GLIS3: variants seen among roughly 807,000 people sequenced by gnomAD.
GLIS3 encodes zinc finger protein GLIS3.
Under a neutral mutation model 78.6 loss-of-function variants are expected in GLIS3, and 53 were observed. The ratio of observed to expected loss-of-function variants is 0.67; its 90% CI spans 0.54 to 0.85. The LOEUF is 0.85. Among genes scored for constraint, GLIS3 ranks in the 40% least tolerant of loss-of-function variants. The probability of loss-of-function intolerance (pLI) is 0.00; values close to 1 mark genes in which losing one functional copy is unlikely to be tolerated. For missense variants in GLIS3, 1,703 were observed against 1,231.1 expected, an observed-to-expected ratio of 1.38 and a Z score of -5.74; for synonymous variants, 684 against 509.9, an observed-to-expected ratio of 1.34 and a Z score of -4.60.
chr9:4,230,868 A>G (rs891313591), intron 2 of GLIS3, among the ~76,000 whole-genome samples: 3 of 152,220 alleles, frequency 2.0e-5, no homozygotes, highest in African/African-American at 7.2e-5. Flanking sequence ...AATTCAGCCC[A>G]CATGAAATTA....
At position 4,257,587 on chromosome 9, in the gene GLIS3, T is replaced by TGTTGTTGTTGTTGTTG. The variant is rs1563844885; in HGVS notation, c.388+28450_388+28451insCAACAACAACAACAAC. Among the ~76,000 whole-genome samples the TGTTGTTGTTGTTGTTG allele has an allele frequency of 8.7e-4, 6 of 6,898 alleles. 1 individual carries two copies. The highest frequency in any genetic ancestry group is 0.17 in the East Asian group (2 of 12). 4.5% of individuals were successfully genotyped at this position (6,898 alleles called of 152,430 possible). A position where few individuals can be genotyped will look rare whatever the true frequency, so the allele number is the denominator to read the frequency against. ...TATATGTTGTTGTTGTTGTTGTTAT[T>TGTTGTTGTTGTTGTTG]TTTTGAGACGGAGTCTCGCTCTGTC... On this transcript the variant is annotated intron_variant, in intron 2 of 10. Transcript: ENST00000381971.
At chr9:4,394,459 T>C in the GLIS3 span, among the ~76,000 whole-genome samples, 1 of 152,070 alleles carries the variant, frequency 6.6e-6, no homozygotes. Context: ...GCATCAAATA[T>C]AGAAGAATTC....
the GLIS3 span, among the ~76,000 whole-genome samples, chr9:4,449,323 C>T: frequency 6.6e-6 from 1 of 152,188 alleles, no homozygotes; most frequent in Non-Finnish European, 1.5e-5. Context: ...CAGGGAAGCT[C>T]AAACTGGGCA....
chr9:4,413,435 AG>A, the GLIS3 span, among the ~76,000 whole-genome samples: 23 of 152,158 alleles, frequency 1.5e-4, no homozygotes, highest in Non-Finnish European at 2.9e-5. Context: ...TTTCTATAAG[AG>A]TTGTACTTGC....
chr9:4,375,002 T>C, the GLIS3 span, among the ~76,000 whole-genome samples: 40,491 of 152,204 alleles, frequency 0.27, 5,650 homozygotes, highest in South Asian at 0.4. Context: ...TCAACCCCCC[T>C]ACTGTTGGAC....
At chr9:4,354,284 C>T in the GLIS3 span, among the ~76,000 whole-genome samples, 1 of 152,158 alleles carries the variant, frequency 6.6e-6, no homozygotes, top group Admixed American at 6.5e-5. Flanking sequence ...CTTCCTGAGA[C>T]CTTTTTGTGT....
At chr9:4,255,839 C>A (rs1322297374) in intron 2 of GLIS3, among the ~76,000 whole-genome samples, 1 of 151,758 alleles carries the variant, frequency 6.6e-6, no homozygotes, top group Non-Finnish European at 1.5e-5. Context: ...TAAGAGTGAA[C>A]CCTAAGGTAA....
Position 3,856,064 on chromosome 9 carries a change from C to T in GLIS3, c.2418G>A (p.Lys806=), listed in dbSNP as rs1819765971. Reference sequence around the variant, plus strand: ...AAGAGTTTGTTTCTGGCTGATAGGACTTCAGGTGTGAACCTGATGGCTGCT... The same window carrying T: ...AAGAGTTTGTTTCTGGCTGATAGGATTTCAGGTGTGAACCTGATGGCTGCT... ...YTQQPSGSHL[K]SYQPETNSSF... Residue 806 remains lysine, a synonymous_variant, in exon 9 of 11, where the codon AAG becomes AAA. Transcript: ENST00000381971. 1 of 1,614,068 alleles carries T rather than the reference C, an allele frequency of 6.2e-7. No individual in the cohort carries two copies.
At chr9:3,868,370 T>G (rs1563794596) in intron 8 of GLIS3, among the ~76,000 whole-genome samples, 2 of 100,548 alleles carry the variant, frequency 2.0e-5, no homozygotes, top group Admixed American at 9.9e-5. Context: ...ATGGAAGTAA[T>G]TTTTTTTTTG....
At chr9:4,247,297 A>C (rs1216527661) in intron 2 of GLIS3, among the ~76,000 whole-genome samples, 1 of 152,226 alleles carries the variant, frequency 6.6e-6, no homozygotes, top group Non-Finnish European at 1.5e-5. Context: ...CGGTTGTTTT[A>C]AAACAAAAGT....
At chr9:4,476,881 A>G in the GLIS3 span, among the ~76,000 whole-genome samples, 1 of 152,238 alleles carries the variant, frequency 6.6e-6, no homozygotes, top group Admixed American at 6.5e-5. Flanking sequence ...AGCTGTTTTT[A>G]GACAGAATTT....
intron 2 of GLIS3, among the ~76,000 whole-genome samples, chr9:4,326,643 G>A (rs952193044): frequency 3.9e-5 from 6 of 152,028 alleles, no homozygotes; most frequent in African/African-American, 1.4e-4. Context: ...CAACGTGAAT[G>A]TTCTTAACGT....
chr9:4,284,673 G>A (rs1243918095), intron 2 of GLIS3, among the ~76,000 whole-genome samples: 1 of 151,866 alleles, frequency 6.6e-6, no homozygotes, highest in African/African-American at 2.4e-5. Flanking sequence ...CACTTTGGGA[G>A]GCCAAGGCAG....
At chr9:4,087,340 G>C (rs1588639211) in intron 4 of GLIS3, among the ~76,000 whole-genome samples, 2 of 152,116 alleles carry the variant, frequency 1.3e-5, no homozygotes, top group African/African-American at 4.8e-5. Context: ...GCCTTAAATA[G>C]ATGCACATCC....
chr9:3,865,362 G>A (rs544248889), intron 8 of GLIS3, among the ~76,000 whole-genome samples: 40 of 152,272 alleles, frequency 2.6e-4, no homozygotes, highest in Admixed American at 2.0e-3. Flanking sequence ...TTTCTAGATC[G>A]CGCCTTTAAA....
At chr9:4,059,076 A>G (rs1421509520) in intron 4 of GLIS3, among the ~76,000 whole-genome samples, 1 of 152,120 alleles carries the variant, frequency 6.6e-6, no homozygotes, top group Non-Finnish European at 1.5e-5. Context: ...CATCTAATCT[A>G]TAGTTGATCT....
intron 8 of GLIS3, among the ~76,000 whole-genome samples, chr9:3,863,652 T>C (rs1820380156): frequency 6.6e-6 from 1 of 152,238 alleles, no homozygotes; most frequent in South Asian, 2.1e-4. Flanking sequence ...TGAAGTTGGC[T>C]GTAGGTGAAA....
the GLIS3 span, among the ~76,000 whole-genome samples, chr9:4,427,500 C>T: frequency 6.6e-6 from 1 of 152,106 alleles, no homozygotes; most frequent in African/African-American, 2.4e-5. Flanking sequence ...GAAGCCCAGT[C>T]CCAGATAACA....
intron 6 of GLIS3, among the ~76,000 whole-genome samples, chr9:3,915,010 GTCTTAGAGCAATGCA>G (rs1460455715): frequency 1.3e-5 from 2 of 151,694 alleles, no homozygotes; most frequent in African/African-American, 4.8e-5. Context: ...AGCAATGCAT[GTCTTAGAGCAATGCA>G]TGAATCACAT....
Sources: gnomAD v4.1 joint callset for allele counts (sites outside exome capture counted in the v4.1 genomes callset) on GRCh38, gnomAD v4.1.1 for gene constraint, MANE v1.5 for transcripts, NCBI Gene and HGNC (gene_info 2026-07-23, HGNC 2026-07-21) for gene names.